Variants in SYNPO observed in about 807,000 individuals in gnomAD.
SYNPO encodes synaptopodin.
A neutral mutation model predicts 49.5 loss-of-function variants in SYNPO; 19 were observed. The observed-to-expected ratio is 0.38, with a 90% confidence interval of 0.27 to 0.56. SYNPO has a LOEUF of 0.56. SYNPO is among the 20% of genes least tolerant of loss of function. The pLI is 0.68. For missense variants in SYNPO, 1,131 were observed against 1,248.3 expected (o/e 0.91, Z 1.42); for synonymous variants, 536 against 548.0 (o/e 0.98, Z 0.31).
At chr5:150,636,177 A>G (rs1757709628), upstream of SYNPO, among the ~76,000 whole-genome samples, 1 of 152,172 alleles carries the variant, frequency 6.6e-6, no homozygotes. Context: ...TTGTTGAATG[A>G]ATGAATCCAT....
At chr5:150,621,411 C>T (rs905773417) in intron 2 of SYNPO, among the ~76,000 whole-genome samples, 1 of 152,148 alleles carries the variant, frequency 6.6e-6, no homozygotes, top group Non-Finnish European at 1.5e-5. Flanking sequence ...GCAGGAGAGT[C>T]AAAATCCGGT....
upstream of SYNPO, among the ~76,000 whole-genome samples, chr5:150,598,651 T>C (rs759178957): frequency 2.6e-5 from 4 of 152,220 alleles, no homozygotes; most frequent in Non-Finnish European, 4.4e-5. Flanking sequence ...TCCCAGTACC[T>C]GGGAAACTTG....
At chr5:150,637,758 T>C (rs1757767050), upstream of SYNPO, among the ~76,000 whole-genome samples, 1 of 152,238 alleles carries the variant, frequency 6.6e-6, no homozygotes, top group Non-Finnish European at 1.5e-5. Flanking sequence ...GAGGAAGGAA[T>C]GTGGGGAATT....
chr5:150,632,932 G>A (rs545725719), intron 2 of SYNPO, among the ~76,000 whole-genome samples: 1 of 152,218 alleles, frequency 6.6e-6, no homozygotes, highest in African/African-American at 2.4e-5. Flanking sequence ...CAGAGGGGAG[G>A]GCAATTTCCC....
intron 1 of SYNPO, among the ~76,000 whole-genome samples, chr5:150,643,603 C>T (rs1413214303): frequency 2.6e-5 from 4 of 152,146 alleles, no homozygotes; most frequent in East Asian, 1.9e-4. Context: ...GGCGTGATCT[C>T]GGCTCACCGC....
intron 2 of SYNPO, among the ~76,000 whole-genome samples, chr5:150,634,029 G>A (rs2151390892): frequency 6.6e-6 from 1 of 152,098 alleles, no homozygotes; most frequent in East Asian, 1.9e-4. Context: ...TAACATTATG[G>A]AGTCTTACTG....
chr5:150,651,666 G>A (rs1758392428), intron 2 of SYNPO: 1 of 1,001,146 alleles, frequency 1.0e-6, no homozygotes, highest in Non-Finnish European at 1.2e-6. Flanking sequence ...TGGGGCAGGT[G>A]CATAGCAGTG....
At chr5:150,607,266 G>GA (rs1467431561) in intron 1 of SYNPO, among the ~76,000 whole-genome samples, 3 of 150,590 alleles carry the variant, frequency 2.0e-5, no homozygotes, top group Admixed American at 6.6e-5. Flanking sequence ...GCTGTCGAAA[G>GA]AAAAAAAAAG....
intron 2 of SYNPO, among the ~76,000 whole-genome samples, chr5:150,629,112 G>T (rs1273371187): frequency 6.6e-6 from 1 of 152,068 alleles, no homozygotes; most frequent in Non-Finnish European, 1.5e-5. Context: ...TCGACCTCCT[G>T]GGCTCAAGTG....
At chr5:150,594,983 C>T in the SYNPO span, among the ~76,000 whole-genome samples, 1 of 152,174 alleles carries the variant, frequency 6.6e-6, no homozygotes, top group Non-Finnish European at 1.5e-5. Flanking sequence ...TGGGATGAAG[C>T]AGGCATGATT....
rs1757057582 is a variant in SYNPO, at chr5:150,618,765, CA to C, written c.399del (p.Ala134ArgfsTer13). 6.4e-7 allele frequency: 1 copy of C among 1,551,058 alleles called. No homozygotes were observed. On this transcript the variant is annotated frameshift_variant and splice_region_variant, in exon 2 of 3. Transcript: ENST00000394243. LOFTEE classifies it high-confidence loss of function. ...CCTGGGCCCAGAGTGGCCCAGAAAC[CA>C]GGTAAGCTTGTGTTCCTTTTCCCTT...
chr5:150,651,952 C>T (rs1396518221), intron 2 of SYNPO: 13 of 1,000,434 alleles, frequency 1.3e-5, no homozygotes, highest in African/African-American at 1.7e-5. Flanking sequence ...GGCTGGGGGC[C>T]GAGGACCACC....
upstream of SYNPO, among the ~76,000 whole-genome samples, chr5:150,636,138 C>T: frequency 6.6e-6 from 1 of 152,152 alleles, no homozygotes; most frequent in East Asian, 1.9e-4. Context: ...TGAACGGTGC[C>T]TGGCCCTTAG....
chr5:150,650,010 G>A lies in SYNPO; in HGVS notation c.1735G>A (p.Glu579Lys), dbSNP rs765932707. Residue 579 changes from glutamate (E) to lysine (K), a missense_variant, in exon 2 of 3, where the codon GAG becomes AAG. Coordinates refer to ENST00000307662, the MANE Select transcript of SYNPO (RefSeq NM_007286.6). ...PSLFVLSPIK[E>K]PAKVSPRAAS... is the part of the protein sequence containing the mutation. Reference sequence around the variant, plus strand: ...GCTCTTTGTCCTCTCACCTATCAAGGAGCCTGCCAAGGTCTCACCAAGAGC... The same window carrying A: ...GCTCTTTGTCCTCTCACCTATCAAGAAGCCTGCCAAGGTCTCACCAAGAGC... 2 of 1,612,328 alleles carry A rather than the reference G, an allele frequency of 1.2e-6. No homozygotes were observed. The highest frequency in any genetic ancestry group is 1.3e-5 in the African/African-American group (1 of 74,914).
At chr5:150,619,251 G>T (rs1050919570) in intron 2 of SYNPO, among the ~76,000 whole-genome samples, 2 of 152,118 alleles carry the variant, frequency 1.3e-5, no homozygotes, top group Admixed American at 6.5e-5. Flanking sequence ...TGAAGCCTTT[G>T]ATAGAATTTG....
chr5:150,624,884 G>C, intron 2 of SYNPO: 1 of 985,462 alleles, frequency 1.0e-6, no homozygotes, highest in Non-Finnish European at 1.2e-6. Flanking sequence ...CCGGGAGCTC[G>C]GGGACCGTGC....
chr5:150,611,058 A>C (rs968210835), intron 1 of SYNPO, among the ~76,000 whole-genome samples: 1 of 152,240 alleles, frequency 6.6e-6, no homozygotes, highest in Non-Finnish European at 1.5e-5. Context: ...TGCATATGCT[A>C]TACAAAACAC....
chr5:150,622,658 G>T (rs1021038133), intron 2 of SYNPO, among the ~76,000 whole-genome samples: 3 of 152,152 alleles, frequency 2.0e-5, no homozygotes, highest in African/African-American at 7.2e-5. Flanking sequence ...TCAGGCAGAG[G>T]GACCTGTGTG....
At chr5:150,610,840 A>G (rs1208182301) in intron 1 of SYNPO, among the ~76,000 whole-genome samples, 1 of 152,250 alleles carries the variant, frequency 6.6e-6, no homozygotes, top group Non-Finnish European at 1.5e-5. Context: ...CAAGATTACA[A>G]AAAATACTCA....
Sources: allele counts gnomAD v4.1 joint callset (sites outside exome capture counted in the v4.1 genomes callset), GRCh38; gene constraint gnomAD v4.1.1; transcripts MANE v1.5; gene names NCBI Gene and HGNC (gene_info 2026-07-23, HGNC 2026-07-21).